Variants in APLF observed in about 807,000 individuals in gnomAD.
The protein encoded by APLF is aprataxin and PNKP like factor.
APLF carries 61 observed loss-of-function variants against 55.6 expected under a neutral mutation model. The observed-to-expected ratio is 1.10, with a 90% CI of 0.89 to 1.36. APLF has a LOEUF of 1.36. Among genes scored for constraint, APLF ranks in the 40% most tolerant of loss-of-function variants. The pLI is 0.00. For synonymous variants in APLF, 207 were observed against 214.8 expected, an observed-to-expected ratio of 0.96 and a Z score of 0.32; for missense variants, 611 against 602.5, an observed-to-expected ratio of 1.01 and a Z score of -0.15.
chr2:68,517,758 T>C (rs1374044969), intron 5 of APLF, among the ~76,000 whole-genome samples: 2 of 145,188 alleles, frequency 1.4e-5, no homozygotes, highest in African/African-American at 4.9e-5. Context: ...TATCTACTGT[T>C]AATATATAAC....
chr2:68,470,731 C>T (rs1419171026), intron 1 of APLF, among the ~76,000 whole-genome samples: 1 of 152,056 alleles, frequency 6.6e-6, no homozygotes, highest in Non-Finnish European at 1.5e-5. Flanking sequence ...CTATTTTCCT[C>T]CTAGGAAACA....
chr2:68,511,672 T>A (rs557311738), intron 3 of APLF, among the ~76,000 whole-genome samples: 1 of 151,664 alleles, frequency 6.6e-6, no homozygotes, highest in Non-Finnish European at 1.5e-5. Flanking sequence ...TTGAAAAAAA[T>A]TATAATTTGG....
intron 2 of APLF, among the ~76,000 whole-genome samples, chr2:68,491,879 C>T (rs377406950): frequency 6.6e-6 from 1 of 152,148 alleles, no homozygotes; most frequent in East Asian, 1.9e-4. Flanking sequence ...TTGTGGACAA[C>T]TCAATAGATA....
At chr2:68,512,756 G>C (rs1669425578) in intron 3 of APLF, among the ~76,000 whole-genome samples, 1 of 151,696 alleles carries the variant, frequency 6.6e-6, no homozygotes, top group Non-Finnish European at 1.5e-5. Context: ...CTCTCTAGAG[G>C]CTGGGTGGTG....
chr2:68,565,496 T>C (rs1022584653), intron 8 of APLF, among the ~76,000 whole-genome samples: 1 of 142,606 alleles, frequency 7.0e-6, no homozygotes, highest in Non-Finnish European at 1.5e-5. Context: ...GATAGTTAGA[T>C]AGACAGATAG....
In APLF at chr2:68,578,781, G is replaced by A. The variant is rs1671689953; in HGVS notation, c.*759G>A. ...GTGCTGTCTTTATATTAAGAATAGA[G>A]AAACGACATAACTTTCTCAAATGGC... On this transcript the variant is annotated 3_prime_UTR_variant, in exon 10 of 10. Transcript: ENST00000303795. 1.3e-5 allele frequency: 13 copies of A among 985,106 alleles called. No homozygotes were observed. Among genetic ancestry groups the A allele is most frequent in the Non-Finnish European group, 1.6e-5 (13 of 829,818 alleles). 61.0% of individuals were successfully genotyped at this position (985,106 alleles called of 1,614,324 possible). A position where few individuals can be genotyped will look rare whatever the true frequency, so the allele number is the denominator to read the frequency against.
Position 68,510,356 on chromosome 2 carries a change from T to TA in APLF, c.342-2720dup, listed in dbSNP as rs752290457. Among the ~76,000 whole-genome samples, 3 of 151,972 alleles carry TA rather than the reference T, an allele frequency of 2.0e-5. No homozygotes were observed. In the East Asian group the frequency reaches 5.8e-4, roughly 30 times the overall value. On this transcript the variant is annotated intron_variant, in intron 3 of 9. Coordinates refer to ENST00000303795, the MANE Select transcript of APLF (RefSeq NM_173545.3). ...AATGCAAAGGCAAACAACCCAATTT[T>TA]AAAATGCATAACTGATTTGAATAGA...
chr2:68,539,728 A>G (rs117630334), intron 7 of APLF, among the ~76,000 whole-genome samples: 3 of 152,314 alleles, frequency 2.0e-5, no homozygotes, highest in East Asian at 3.9e-4. Context: ...TCTTAATTAT[A>G]TAAGAATAGA....
rs1335056397 is a variant in APLF, at chr2:68,490,222, C to G, written c.129C>G (p.Ala43=). Residue 43 remains alanine, a synonymous_variant, in exon 2 of 10, where the codon GCC becomes GCG. Transcript: ENST00000303795. The part of the protein sequence containing the change: ...ITDKRVSRRH[A]ILEVAGGQLR... ...ACAAGAGAGTATCCAGAAGACATGC[C>G]ATTCTTGAGGTGGCAGGTGGTCAGC... The G allele has an allele frequency of 1.9e-6, 3 of 1,611,576 alleles. No individual in the cohort carries two copies. The highest frequency in any genetic ancestry group is 1.7e-6 in the Non-Finnish European group (2 of 1,179,246).
In APLF at chr2:68,529,338, G is replaced by C. The variant is rs1353756233; in HGVS notation, c.804+3096G>C. 15 of 1,338,670 alleles carry C rather than the reference G, an allele frequency of 1.1e-5. No homozygotes were observed. In the East Asian group the frequency reaches 3.9e-4, roughly 35 times the overall value. 82.9% of individuals were successfully genotyped at this position (1,338,670 alleles called of 1,614,324 possible). On this transcript the variant is annotated intron_variant, in intron 6 of 9. Coordinates refer to ENST00000303795, the MANE Select transcript of APLF (RefSeq NM_173545.3). This position sits in a 1 kb window ranked among gnomAD's most constrained non-coding sequence, Gnocchi z 4.4. Reference sequence around the variant, plus strand: ...CCAAAGAGTCCTGGGGCAGGCACAGGTGCAGGAGCCGCGGGGTGAGCCCGG... The same window carrying C: ...CCAAAGAGTCCTGGGGCAGGCACAGCTGCAGGAGCCGCGGGGTGAGCCCGG...
At chr2:68,505,882 A>T (rs894707078) in intron 3 of APLF, among the ~76,000 whole-genome samples, 5 of 152,056 alleles carry the variant, frequency 3.3e-5, no homozygotes, top group African/African-American at 1.2e-4. Flanking sequence ...GTCAATCTCC[A>T]GCCCCTTTTC....
At chr2:68,494,277 C>CAAAAAA (rs59466460) in intron 2 of APLF, among the ~76,000 whole-genome samples, 110 of 49,224 alleles carry the variant, frequency 2.2e-3, no homozygotes, top group Non-Finnish European at 2.7e-3. Context: ...GACCCCGTCT[C>CAAAAAA]AAAAAAAAAA....
intron 9 of APLF, among the ~76,000 whole-genome samples, chr2:68,576,881 A>C (rs1375982490): frequency 6.6e-6 from 1 of 152,194 alleles, no homozygotes; most frequent in Non-Finnish European, 1.5e-5. Flanking sequence ...TCTGCCATTC[A>C]GATTTCTAGA....
At chr2:68,521,549 G>A (rs1669897628) in intron 5 of APLF, among the ~76,000 whole-genome samples, 1 of 151,840 alleles carries the variant, frequency 6.6e-6, no homozygotes, top group Non-Finnish European at 1.5e-5. Context: ...AATATATTTA[G>A]GCAAAGGCTT....
intron 7 of APLF, among the ~76,000 whole-genome samples, chr2:68,543,285 T>C (rs1021110942): frequency 2.6e-5 from 4 of 152,138 alleles, no homozygotes; most frequent in African/African-American, 9.7e-5. Flanking sequence ...TACTTAACAT[T>C]ACTGAACTGT....
At position 68,525,130 on chromosome 2, in the gene APLF, C is replaced by T. The variant is rs1055196379; in HGVS notation, c.623-931C>T. 2.6e-5 allele frequency among the ~76,000 whole-genome samples: 4 copies of T among 152,136 alleles called. No individual in the cohort carries two copies. The South Asian group carries it at 8.3e-4, about 32-fold the overall frequency. On this transcript the variant is annotated intron_variant, in intron 5 of 9. Coordinates refer to ENST00000303795, the MANE Select transcript of APLF (RefSeq NM_173545.3). ...CCAACATGGTGAAACTCTGTCTCTA[C>T]TAAAAATACAAAATTTAACCAGGCA...
At chr2:68,541,855 A>G (rs1405858241) in intron 7 of APLF, among the ~76,000 whole-genome samples, 1 of 152,196 alleles carries the variant, frequency 6.6e-6, no homozygotes, top group Non-Finnish European at 1.5e-5. Context: ...AAGATGATCA[A>G]AGTTGGAGGT....
chr2:68,554,249 T>A (rs113965929), intron 8 of APLF, among the ~76,000 whole-genome samples: 2,026 of 152,136 alleles, frequency 0.013, 36 homozygotes, highest in African/African-American at 0.045. Context: ...AAATAAAGAT[T>A]ACCACAGCCC....
chr2:68,505,233 G>T (rs752700942), intron 3 of APLF, among the ~76,000 whole-genome samples: 4 of 151,904 alleles, frequency 2.6e-5, no homozygotes, highest in Non-Finnish European at 4.4e-5. Flanking sequence ...GACATGTAAA[G>T]AACTGATTTT....
Sources: allele counts gnomAD v4.1 joint callset (sites outside exome capture counted in the v4.1 genomes callset), GRCh38; gene constraint gnomAD v4.1.1; non-coding constraint Gnocchi (gnomAD v3.1); transcripts MANE v1.5; gene names NCBI Gene and HGNC (gene_info 2026-07-23, HGNC 2026-07-21).